The following NCALD variants were observed in gnomAD, a reference collection of about 807,000 sequenced individuals.
NCALD encodes the protein neurocalcin delta.
A neutral mutation model predicts 18.6 loss-of-function variants in NCALD; 10 were observed. The ratio of observed to expected loss-of-function variants is 0.54; its 90% CI spans 0.33 to 0.91. The LOEUF (loss-of-function observed/expected upper bound fraction) is 0.91, where lower values mean the gene tolerates loss of function less well. NCALD is among the 40% of genes least tolerant of loss of function. The pLI is 0.03. For missense variants in NCALD, 184 were observed against 247.6 expected (o/e 0.74, Z 1.72); for synonymous variants, 88 against 87.4 (o/e 1.01, Z -0.04).
intron 1 of NCALD, among the ~76,000 whole-genome samples, 194 bp from the exon 2 acceptor site, chr8:101,719,842 T>C (rs944009038): frequency 6.6e-6 from 1 of 152,176 alleles, no homozygotes; most frequent in African/African-American, 2.4e-5. Flanking sequence ...CAGTAGAGGA[T>C]GCACAGCAGA....
At chr8:102,057,862 A>G (rs1407248218) in intron 1 of NCALD, among the ~76,000 whole-genome samples, 1 of 152,262 alleles carries the variant, frequency 6.6e-6, no homozygotes, top group East Asian at 1.9e-4. Context: ...AAGCACTTGA[A>G]TACTAAGCTC....
intron 1 of NCALD, among the ~76,000 whole-genome samples, chr8:102,065,010 C>CAAAAAAAAAAAAAA (rs34548051): frequency 2.3e-5 from 2 of 87,560 alleles, no homozygotes; most frequent in Admixed American, 1.5e-4. Flanking sequence ...CTCACTTTGG[C>CAAAAAAAAAAAAAA]AAAAAAAAAA....
intron 4 of NCALD, among the ~76,000 whole-genome samples, chr8:101,829,454 T>C (rs181231083): frequency 4.6e-5 from 7 of 152,342 alleles, no homozygotes; most frequent in Admixed American, 4.6e-4. Context: ...ATGGATGACA[T>C]CCTGTAACAT....
At chr8:101,790,828 C>A (rs946315682) in intron 1 of NCALD, 34 bp downstream of exon 1, 14 of 152,316 alleles carry the variant, frequency 9.2e-5, no homozygotes, top group African/African-American at 3.4e-4. Flanking sequence ...GCTATAAAAA[C>A]ATCTAACTAT....
intron 2 of NCALD, among the ~76,000 whole-genome samples, chr8:102,008,050 T>G (rs1041758102): frequency 1.3e-5 from 2 of 152,236 alleles, no homozygotes; most frequent in Admixed American, 1.3e-4. Context: ...AATTCTTCCA[T>G]TCAACATTTT....
At chr8:101,704,134 T>A (rs1200479426) in intron 2 of NCALD, among the ~76,000 whole-genome samples, 1 of 152,140 alleles carries the variant, frequency 6.6e-6, no homozygotes, top group African/African-American at 2.4e-5. Context: ...CCTGGAAAGT[T>A]CAAACTGTTT....
chr8:101,995,029 A>G (rs979109945), intron 2 of NCALD, among the ~76,000 whole-genome samples: 63 of 152,324 alleles, frequency 4.1e-4, no homozygotes, highest in African/African-American at 1.5e-3. Flanking sequence ...GGATTTCAAC[A>G]AAGTTATAGT....
intron 1 of NCALD, among the ~76,000 whole-genome samples, chr8:102,061,886 C>T (rs1353000400): frequency 6.6e-6 from 1 of 152,154 alleles, no homozygotes; most frequent in African/African-American, 2.4e-5. Flanking sequence ...CAACCAAGAG[C>T]AAAATTGGTA....
intron 2 of NCALD, among the ~76,000 whole-genome samples, chr8:101,927,020 T>C (rs1818359216): frequency 6.6e-6 from 1 of 152,210 alleles, no homozygotes; most frequent in African/African-American, 2.4e-5. Flanking sequence ...TAACAGACAC[T>C]GGCCCTGTTC....
chr8:101,827,994 G>A (rs1323557257), intron 4 of NCALD, among the ~76,000 whole-genome samples: 2 of 152,180 alleles, frequency 1.3e-5, no homozygotes, highest in African/African-American at 4.8e-5. Context: ...GCACTATGTA[G>A]GTGGAGGATA....
intron 1 of NCALD, among the ~76,000 whole-genome samples, chr8:101,780,267 TTAAG>T (rs1163150883): frequency 7.9e-5 from 12 of 152,200 alleles, no homozygotes; most frequent in African/African-American, 2.6e-4. Context: ...TTGCACTGGG[TTAAG>T]TAAGTGATTT....
rs572278859 is a variant in NCALD at position 101,871,957 on chromosome 8, A to C, written c.-20+15184T>G. On this transcript the variant is annotated intron_variant, in intron 4 of 6. Transcript: ENST00000311028. Reference sequence around the variant, plus strand: ...CGTCTTAACTGCTCTAGATTCAGACAGTTTCCACCCCAACTCATCTCTGGT... The same window carrying C: ...CGTCTTAACTGCTCTAGATTCAGACCGTTTCCACCCCAACTCATCTCTGGT... The C allele has an allele frequency of 5.3e-6, 4 of 752,302 alleles. No individual in the cohort carries two copies. In the African/African-American group the frequency reaches 6.8e-5, roughly 13 times the overall value. 46.6% of individuals were successfully genotyped at this position (752,302 alleles called of 1,614,324 possible).
intron 2 of NCALD, among the ~76,000 whole-genome samples, chr8:102,000,873 T>C (rs1821430125): frequency 1.3e-5 from 2 of 152,196 alleles, no homozygotes; most frequent in South Asian, 4.1e-4. Context: ...AAACCCCATC[T>C]GTACGTCACC....
intron 4 of NCALD, among the ~76,000 whole-genome samples, chr8:101,883,820 T>C (rs1010819401): frequency 3.9e-4 from 60 of 152,264 alleles, no homozygotes; most frequent in Admixed American, 2.9e-3. Context: ...ATTATCTGCC[T>C]GTTCCACTAG....
At chr8:101,876,091 A>C (rs1042477452) in intron 4 of NCALD, among the ~76,000 whole-genome samples, 8 of 152,210 alleles carry the variant, frequency 5.3e-5, no homozygotes, top group African/African-American at 1.7e-4. Context: ...CCAGGATTTA[A>C]GAGGTCAAGC....
At chr8:101,747,154 G>GCC (rs1411094532) in intron 1 of NCALD, among the ~76,000 whole-genome samples, 1 of 152,082 alleles carries the variant, frequency 6.6e-6, no homozygotes, top group Admixed American at 6.6e-5. Context: ...CTCTTTTCCT[G>GCC]CCCCACACAC....
chr8:101,829,641 A>G (rs1200889858), intron 4 of NCALD, among the ~76,000 whole-genome samples: 2 of 130,452 alleles, frequency 1.5e-5, no homozygotes, highest in Non-Finnish European at 3.4e-5. Flanking sequence ...CTTTTCTGGT[A>G]CTTTTTCCCA....
intron 1 of NCALD, among the ~76,000 whole-genome samples, chr8:102,080,011 C>G (rs950816046): frequency 1.3e-5 from 2 of 152,202 alleles, no homozygotes; most frequent in Non-Finnish European, 2.9e-5. Flanking sequence ...TGTCAAATAA[C>G]AGGGAAGACG....
intron 4 of NCALD, among the ~76,000 whole-genome samples, chr8:101,823,026 C>G (rs1286881771): frequency 2.0e-5 from 3 of 152,146 alleles, no homozygotes; most frequent in Non-Finnish European, 4.4e-5. Context: ...TCGACCCAAG[C>G]AAAACCCATA....
Sources: allele counts gnomAD v4.1 joint callset (sites outside exome capture counted in the v4.1 genomes callset), GRCh38; gene constraint gnomAD v4.1.1; transcripts MANE v1.5; gene names NCBI Gene and HGNC (gene_info 2026-07-23, HGNC 2026-07-21).